The following DNAH6 variants were observed in gnomAD, a reference collection of about 807,000 sequenced individuals.
The protein encoded by DNAH6 is axonemal beta dynein heavy chain 6.
A neutral mutation model predicts 491.4 loss-of-function variants in DNAH6; 340 were observed. The observed-to-expected ratio is 0.69, with a 90% CI of 0.63 to 0.76. DNAH6 has a LOEUF of 0.76. DNAH6 is among the 30% of genes least tolerant of loss of function. The probability of loss-of-function intolerance (pLI) is 0.00; values close to 1 mark genes in which losing one functional copy is unlikely to be tolerated. For synonymous variants in DNAH6, 1,603 were observed against 1,686.1 expected (o/e 0.95, Z 1.21); for missense variants, 4,443 against 4,972.2 (o/e 0.89, Z 3.20).
At chr2:84,684,333 T>C (rs1221979074) in intron 42 of DNAH6, among the ~76,000 whole-genome samples, 1 of 152,226 alleles carries the variant, frequency 6.6e-6, no homozygotes, top group Non-Finnish European at 1.5e-5. Flanking sequence ...TTCCTATTTT[T>C]AAGATAATTT....
At chr2:84,671,481 CA>C (rs887273121) in intron 39 of DNAH6, among the ~76,000 whole-genome samples, 1 of 152,202 alleles carries the variant, frequency 6.6e-6, no homozygotes, top group African/African-American at 2.4e-5. Context: ...CACCATCCAG[CA>C]GGCCCTGTCA....
chr2:84,542,087 T>C (rs1266173899), intron 4 of DNAH6, among the ~76,000 whole-genome samples: 1 of 152,124 alleles, frequency 6.6e-6, no homozygotes, highest in Non-Finnish European at 1.5e-5. Flanking sequence ...AAGGAATTCC[T>C]AAGTGGCACT....
At chr2:84,595,935 G>A in intron 18 of DNAH6, 146 bp downstream of exon 18, 1 of 938,356 alleles carries the variant, frequency 1.1e-6, no homozygotes, top group Non-Finnish European at 1.5e-6. Flanking sequence ...TTTTTTTGCA[G>A]TGGCACAGAC....
At chr2:84,698,276 T>G (rs1274255974) in intron 47 of DNAH6, among the ~76,000 whole-genome samples, 2 of 152,246 alleles carry the variant, frequency 1.3e-5, no homozygotes, top group African/African-American at 2.4e-5. Flanking sequence ...ATATCTTTAC[T>G]GTTTCCCTTT....
At chr2:84,571,774 A>AT (rs1681909648) in intron 11 of DNAH6, among the ~76,000 whole-genome samples, 1 of 150,372 alleles carries the variant, frequency 6.7e-6, no homozygotes, top group Admixed American at 6.6e-5. Flanking sequence ...AAAAAAAAAA[A>AT]TTAGCGTGGT....
At chr2:84,587,650 A>G (rs1316076447) in intron 15 of DNAH6, among the ~76,000 whole-genome samples, 2 of 152,216 alleles carry the variant, frequency 1.3e-5, no homozygotes, top group Non-Finnish European at 2.9e-5. Flanking sequence ...AATTTATTTC[A>G]GTTTGAAATG....
Position 84,547,664 on chromosome 2 carries a change from T to G in DNAH6, c.1186+52T>G. On this transcript the variant is annotated intron_variant, in intron 7 of 76. Transcript: ENST00000389394. ...ATCAGAAGTGGTGGCTTTCTAAAAT[T>G]TCAGCCCTTTTTTATTTGACTTTTC... is the stretch of plus-strand genomic sequence containing the variant. 4 of 1,515,930 alleles carry G rather than the reference T, an allele frequency of 2.6e-6. No individual in the cohort carries two copies. In the South Asian group the frequency reaches 5.0e-5, roughly 19 times the overall value. The allele number at this position is 1,515,930 out of a possible 1,614,324, so 93.9% of individuals were successfully genotyped here.
intron 46 of DNAH6, 23 bp downstream of exon 46, chr2:84,694,503 G>C: frequency 1.3e-6 from 2 of 1,512,038 alleles, no homozygotes; most frequent in Non-Finnish European, 1.8e-6. Context: ...ATAGCCCATG[G>C]GTGAGAACAG....
chr2:84,642,308 A>G (rs1689489546), intron 33 of DNAH6, among the ~76,000 whole-genome samples: 1 of 152,222 alleles, frequency 6.6e-6, no homozygotes, highest in Admixed American at 6.5e-5. Flanking sequence ...TTTGGCCATA[A>G]GTTCCTGACC....
At chr2:84,481,843 T>C in the DNAH6 span, among the ~76,000 whole-genome samples, 1 of 152,182 alleles carries the variant, frequency 6.6e-6, no homozygotes, top group East Asian at 1.9e-4. Context: ...AGCAACACTT[T>C]CCTACTGAGC....
At chr2:84,783,285 A>G (rs947419192) in intron 65 of DNAH6, among the ~76,000 whole-genome samples, 1 of 152,208 alleles carries the variant, frequency 6.6e-6, no homozygotes, top group African/African-American at 2.4e-5. Flanking sequence ...ATCATCATGA[A>G]AAGTCCTGTA....
In DNAH6 at chr2:84,745,191, G is replaced by A. The variant is rs997157010; in HGVS notation, c.10454G>A (p.Ser3485Asn). 4 of 1,546,172 alleles carry A rather than the reference G, an allele frequency of 2.6e-6. No individual in the cohort carries two copies. The African/African-American group carries it at 5.5e-5, about 21-fold the overall frequency. ...EKEAAHQDPW[S>N]AGLSSFHKLI... ...GAGGCAGCACACCAAGATCCATGGAGTGCAGGATTGAGTTCTTTCCATAAG... is the reference window on the plus strand; with the variant it reads ...GAGGCAGCACACCAAGATCCATGGAATGCAGGATTGAGTTCTTTCCATAAG... The change falls in exon 63 of 77, where the codon AGT (serine) becomes AAT (asparagine). Residue 3485 changes from serine to asparagine, a missense_variant. Physicochemically the swap from Ser to Asn is conservative, Grantham distance 46 (BLOSUM62 1). Around this residue, in one of 3 missense-constraint regions of DNAH6, gnomAD observed 1,463 missense variants for 1,656.6 expected, o/e 0.88. Transcript: ENST00000389394.
At chr2:84,479,328 G>A in the DNAH6 span, among the ~76,000 whole-genome samples, 1 of 152,208 alleles carries the variant, frequency 6.6e-6, no homozygotes, top group Non-Finnish European at 1.5e-5. Flanking sequence ...TGCCCAGAAT[G>A]TCCCTGCCTC....
chr2:84,688,482 A>T lies in DNAH6; in HGVS notation c.7181A>T (p.Asp2394Val). 1.9e-6 allele frequency: 3 copies of T among 1,539,836 alleles called. No individual in the cohort carries two copies. In the South Asian group the frequency reaches 3.7e-5, roughly 19 times the overall value. The change falls in exon 45 of 77, where the codon GAT becomes GTT. Residue 2394 changes from aspartate to valine, a missense_variant. Asp to Val is a radical substitution (Grantham distance 152, BLOSUM62 -3). This residue lies in a region of DNAH6 where 2,977 missense variants were observed against 3,296.6 expected (regional missense o/e 0.90). Transcript: ENST00000389394. ...GATCGGATTTATGATGACATGCCTG[A>T]TATAGAGAAAACTGCAAATGTTCTA... ...KADRIYDDMP[D>V]IEKTANVLQD...
intron 58 of DNAH6, among the ~76,000 whole-genome samples, chr2:84,717,384 A>G (rs1355720161): frequency 6.6e-6 from 1 of 152,212 alleles, no homozygotes; most frequent in African/African-American, 2.4e-5. Context: ...CAGCATGTAC[A>G]TAACAAGTAA....
At chr2:84,506,938 G>A in the DNAH6 span, among the ~76,000 whole-genome samples, 1 of 152,046 alleles carries the variant, frequency 6.6e-6, no homozygotes, top group Non-Finnish European at 1.5e-5. Flanking sequence ...CTCTGTTTTG[G>A]TACCAGTACC....
chr2:84,712,609 G>A (rs1423396391), intron 56 of DNAH6, among the ~76,000 whole-genome samples: 5 of 139,158 alleles, frequency 3.6e-5, no homozygotes, highest in Non-Finnish European at 8.4e-5. Context: ...TTTTGGTTTA[G>A]TGTTTTTTGT....
intron 54 of DNAH6, 135 bp from the exon 55 acceptor site, chr2:84,709,208 T>G: frequency 1.2e-6 from 1 of 856,796 alleles, no homozygotes. Flanking sequence ...CATGCTCTGA[T>G]GCAAGCACAT....
At chr2:84,640,704 A>G in intron 32 of DNAH6, 126 bp downstream of exon 32, 1 of 910,146 alleles carries the variant, frequency 1.1e-6, no homozygotes, top group Non-Finnish European at 1.6e-6. Context: ...TGTTGTCATC[A>G]TTCTTACCTT....
Sources: gnomAD v4.1 joint callset for allele counts (sites outside exome capture counted in the v4.1 genomes callset) on GRCh38, gnomAD v4.1.1 for gene constraint, gnomAD v4.1.1 regional missense constraint, MANE v1.5 for transcripts, NCBI Gene and HGNC (gene_info 2026-07-23, HGNC 2026-07-21) for gene names.